PLD3: variants seen among roughly 807,000 people sequenced by gnomAD.
The protein encoded by PLD3 is phospholipase D family member 3.
A neutral mutation model predicts 58.4 loss-of-function variants in PLD3; 31 were observed. The ratio of observed to expected loss-of-function variants is 0.53; its 90% confidence interval spans 0.40 to 0.72. The LOEUF (loss-of-function observed/expected upper bound fraction) is 0.72. Among genes scored for constraint, PLD3 ranks in the 30% least tolerant of loss-of-function variants. The pLI is 0.00. For synonymous variants in PLD3, 264 were observed against 273.4 expected (o/e 0.97, Z 0.34); for missense variants, 595 against 659.8 (o/e 0.90, Z 1.08).
chr19:40,376,392 C>T (rs1229238519), intron 10 of PLD3: 1 of 503,282 alleles, frequency 2.0e-6, no homozygotes, highest in Non-Finnish European at 3.5e-6. Flanking sequence ...GATGACAACA[C>T]TGGGTTTTGG....
Position 40,361,008 on chromosome 19 carries a change from G to A in PLD3, c.-278-4710G>A, listed in dbSNP as rs377153921. ...CTACAAAATCCAACTGAAGCCCAGCGAAGTGGCTCATGCCTGAAATCCCCG... is the reference window on the plus strand; with the variant it reads ...CTACAAAATCCAACTGAAGCCCAGCAAAGTGGCTCATGCCTGAAATCCCCG... On this transcript the variant is annotated intron_variant, in intron 1 of 12. Coordinates refer to ENST00000409735, the MANE Select transcript of PLD3 (RefSeq NM_012268.4). 4.6e-5 allele frequency among the ~76,000 whole-genome samples: 7 copies of A among 152,278 alleles called. No homozygotes were observed. In the East Asian group the frequency reaches 5.8e-4, roughly 13 times the overall value.
chr19:40,351,987 C>T (rs370176939), intron 1 of PLD3, among the ~76,000 whole-genome samples: 12 of 152,170 alleles, frequency 7.9e-5, no homozygotes, highest in African/African-American at 2.2e-4. Flanking sequence ...TGTCAAAGAT[C>T]GAGACCGGGC....
intron 12 of PLD3, 42 bp from the exon 13 acceptor site, chr19:40,377,944 G>A (rs1568688068): frequency 3.1e-6 from 5 of 1,611,900 alleles, no homozygotes; most frequent in Non-Finnish European, 4.2e-6. Context: ...ACCAGGGGCG[G>A]CCCCCCGAGG....
At chr19:40,377,951 G>T in intron 12 of PLD3, 35 bp from the exon 13 acceptor site, 3 of 1,612,410 alleles carry the variant, frequency 1.9e-6, no homozygotes, top group South Asian at 2.2e-5. Context: ...GCGGCCCCCC[G>T]AGGGTGCCCT....
intron 1 of PLD3, among the ~76,000 whole-genome samples, chr19:40,351,781 G>T (rs1402491226): frequency 6.6e-6 from 1 of 152,176 alleles, no homozygotes; most frequent in African/African-American, 2.4e-5. Context: ...CAGTGAGGTG[G>T]GTGCCACAGG....
At position 40,369,893 on chromosome 19, in the gene PLD3, C is replaced by G. The variant is rs3745198; in HGVS notation, c.430-15C>G. 0.42 allele frequency: 653,448 copies of G among 1,541,656 alleles called. 144,850 individuals carry two copies. The highest frequency in any genetic ancestry group is 0.54 in the Admixed American group (27,023 of 49,752). ...TGGCTGGTCCAGCCCCTCAGAAGCT[C>G]TCCCCTCCCCGCAGGGTGAGGAGGT... On this transcript the variant is annotated splice_polypyrimidine_tract_variant and intron_variant, in intron 6 of 12. Coordinates refer to ENST00000409735, the MANE Select transcript of PLD3 (RefSeq NM_012268.4).
intron 8 of PLD3, chr19:40,370,459 G>T: frequency 4.7e-6 from 2 of 428,244 alleles, no homozygotes; most frequent in Non-Finnish European, 8.3e-6. Context: ...GATTGCTTGA[G>T]CCCAGGAGTT....
chr19:40,357,504 T>C (rs1347768178), intron 1 of PLD3: 1 of 152,150 alleles, frequency 6.6e-6, no homozygotes, highest in African/African-American at 2.4e-5. Flanking sequence ...CTTGACTTTT[T>C]CCCCACCCTC....
chr19:40,368,730 C>T (rs1249523761), intron 6 of PLD3, among the ~76,000 whole-genome samples: 1 of 151,878 alleles, frequency 6.6e-6, no homozygotes, highest in African/African-American at 2.4e-5. Flanking sequence ...TAGTGAGACC[C>T]GCCCCCCACC....
intron 9 of PLD3, among the ~76,000 whole-genome samples, chr19:40,373,488 A>G (rs2079114197): frequency 6.6e-6 from 1 of 151,236 alleles, no homozygotes; most frequent in African/African-American, 2.4e-5. Flanking sequence ...GAGGCAGGAG[A>G]ATCACTTGAA....
At chr19:40,376,311 T>C (rs1197915468) in intron 10 of PLD3, 2 of 325,644 alleles carry the variant, frequency 6.1e-6, no homozygotes, top group Non-Finnish European at 1.1e-5. Context: ...GCCGAGATTG[T>C]GCCATTGCAC....
chr19:40,348,789 G>A, intron 1 of PLD3, 21 bp downstream of exon 1: 1 of 322,048 alleles, frequency 3.1e-6, no homozygotes, highest in Non-Finnish European at 5.7e-6. Flanking sequence ...ATCTGGGGGC[G>A]CGGCGCCTCG....
chr19:40,366,540 G>A (rs1273482801), intron 3 of PLD3, 30 bp downstream of exon 3: 1 of 1,608,182 alleles, frequency 6.2e-7, no homozygotes, highest in African/African-American at 1.3e-5. Context: ...CAGCAGGGTG[G>A]AACTGGGTAC....
chr19:40,374,428 T>C, intron 9 of PLD3, 53 bp from the exon 10 acceptor site: 2 of 1,602,116 alleles, frequency 1.2e-6, no homozygotes, highest in Non-Finnish European at 1.7e-6. Flanking sequence ...GTGGGGTCCG[T>C]TGTGACGATG....
At chr19:40,374,344 T>C (rs138201700) in intron 9 of PLD3, 137 bp from the exon 10 acceptor site, 6 of 859,400 alleles carry the variant, frequency 7.0e-6, no homozygotes, top group Admixed American at 4.4e-5. Context: ...GATGTGGTGA[T>C]TGACCCTCTT....
Position 40,378,258 on chromosome 19 carries a change from C to A in PLD3, c.*85C>A, listed in dbSNP as rs773898715. The A allele has an allele frequency of 1.6e-6, 2 of 1,239,550 alleles. No homozygotes were observed. The highest frequency in any genetic ancestry group is 2.3e-6 in the Non-Finnish European group (2 of 852,282). The allele number at this position is 1,239,550 out of a possible 1,614,324, so 76.8% of individuals were successfully genotyped here. ...GTCACGGTCCCTGTCCCCGCGCCCC[C>A]GCTTCTGTCTGCCCCATTGTGGCTC... On this transcript the variant is annotated 3_prime_UTR_variant, in exon 13 of 13. Coordinates refer to ENST00000409735, the MANE Select transcript of PLD3 (RefSeq NM_012268.4).
At chr19:40,355,142 T>C (rs2078623565) in intron 1 of PLD3, among the ~76,000 whole-genome samples, 1 of 152,022 alleles carries the variant, frequency 6.6e-6, no homozygotes, top group Admixed American at 6.6e-5. Context: ...CCCGACCCTG[T>C]TGTTATTTTT....
chr19:40,378,313 C>T lies in PLD3; in HGVS notation c.*140C>T. 1.2e-6 allele frequency: 1 copy of T among 803,462 alleles called. No homozygotes were observed. Among genetic ancestry groups the T allele is most frequent in the Non-Finnish European group, 2.1e-6 (1 of 469,676 alleles). 49.8% of individuals were successfully genotyped at this position (803,462 alleles called of 1,614,324 possible). On this transcript the variant is annotated 3_prime_UTR_variant, in exon 13 of 13. Transcript: ENST00000409735. ...GGCTCTCTCCCCTGCTCTCCCACCTCTACCTCCACCCCCACCGGCCTGACG... is the reference window on the plus strand; with the variant it reads ...GGCTCTCTCCCCTGCTCTCCCACCTTTACCTCCACCCCCACCGGCCTGACG...
Position 40,367,722 on chromosome 19 carries a change from A to C in PLD3, c.272A>C (p.Glu91Ala). The change falls in exon 6 of 13, where the codon GAG becomes GCG. Residue 91 changes from glutamate to alanine, a missense_variant. Transcript: ENST00000409735. ...GCAGTGCTGGTGGAAAGCATTCCTG[A>C]GGGCCTGGACTTCCCCAATGCCTCC... is the stretch of plus-strand genomic sequence containing the variant. ...CEAVLVESIP[E>A]GLDFPNASTG... 6.2e-7 allele frequency: 1 copy of C among 1,612,534 alleles called. No individual in the cohort carries two copies. The highest frequency in any genetic ancestry group is 8.5e-7 in the Non-Finnish European group (1 of 1,178,882).
Sources: allele counts gnomAD v4.1 joint callset (sites outside exome capture counted in the v4.1 genomes callset), GRCh38; gene constraint gnomAD v4.1.1; transcripts MANE v1.5; gene names NCBI Gene and HGNC (gene_info 2026-07-23, HGNC 2026-07-21).